GPATCH8: variants seen among roughly 807,000 people sequenced by gnomAD.
The protein encoded by GPATCH8 is G patch domain-containing protein 8.
In GPATCH8, 18 loss-of-function variants were observed where a neutral mutation model predicts 118.3. The ratio of observed to expected loss-of-function variants is 0.15; its 90% CI spans 0.11 to 0.23. The LOEUF (loss-of-function observed/expected upper bound fraction) is 0.23, where lower values mean the gene tolerates loss of function less well. Among genes scored for constraint, GPATCH8 ranks in the 10% least tolerant of loss-of-function variants. The pLI is 1.00. For synonymous variants in GPATCH8, 659 were observed against 684.7 expected (o/e 0.96, Z 0.59); for missense variants, 1,631 against 1,873.8 (o/e 0.87, Z 2.39).
In GPATCH8 at chr17:44,399,951, T is replaced by C. The variant is rs2143621296; in HGVS notation, c.2126A>G (p.Lys709Arg). 1 of 1,614,132 alleles carries C rather than the reference T, an allele frequency of 6.2e-7. No individual in the cohort carries two copies. The highest frequency in any genetic ancestry group is 8.5e-7 in the Non-Finnish European group (1 of 1,180,008). Residue 709 changes from lysine to arginine, a missense_variant, in exon 8 of 8, where the codon AAG (lysine) becomes AGG (arginine). This residue lies in a region of GPATCH8 where 922 missense variants were observed against 879.7 expected (regional missense o/e 1.05). Transcript: ENST00000591680. ...SSKAESGEKS[K>R]KRKKRKRKKN... ...CTTTCGTTTTCGTTTCTTGCGCTTC[T>C]TAGATTTCTCCCCTGACTCTGCCTT... is the stretch of plus-strand genomic sequence containing the variant.
At chr17:44,405,705 C>T (rs971250623) in intron 7 of GPATCH8, among the ~76,000 whole-genome samples, 7 of 150,174 alleles carry the variant, frequency 4.7e-5, no homozygotes, top group African/African-American at 1.2e-4. Flanking sequence ...GGGGTTTCAC[C>T]GTATTAGCCA....
chr17:44,479,033 C>G (rs1373916770), intron 1 of GPATCH8, among the ~76,000 whole-genome samples: 2 of 152,166 alleles, frequency 1.3e-5, no homozygotes, highest in African/African-American at 4.8e-5. Context: ...TTTAGGACAA[C>G]TATGTGATGG....
chr17:44,398,350 A>G lies in GPATCH8; in HGVS notation c.3727T>C (p.Tyr1243His), dbSNP rs1347869106. ...TCCCCATCACTGGGGTCGGGGAGGT[A>G]GTTATGGGAGATGGTTGGGTCCCCA... ...YPGDPTISHN[Y>H]LPDPSDGDTL... Residue 1243 changes from tyrosine to histidine, a missense_variant, in exon 8 of 8, where the codon TAC (tyrosine) becomes CAC (histidine). Physicochemically the swap from Tyr to His is moderately conservative, Grantham distance 83. Transcript: ENST00000591680. 1 of 1,614,008 alleles carries G rather than the reference A, an allele frequency of 6.2e-7. No individual in the cohort carries two copies. Among genetic ancestry groups the G allele is most frequent in the South Asian group, 1.1e-5 (1 of 91,082 alleles).
intron 6 of GPATCH8, among the ~76,000 whole-genome samples, chr17:44,408,223 G>A (rs57790984): frequency 0.013 from 1,510 of 115,654 alleles, 23 homozygotes; most frequent in African/African-American, 0.047. Context: ...TTATTCTGTC[G>A]CCCAGGCTGG....
At chr17:44,484,538 G>A (rs1968621218) in intron 1 of GPATCH8, among the ~76,000 whole-genome samples, 1 of 152,040 alleles carries the variant, frequency 6.6e-6, no homozygotes, top group Admixed American at 6.6e-5. Context: ...ACACCAGGTG[G>A]GTAGGTAGTA....
rs1056677563 is a variant in GPATCH8 at position 44,405,789 on chromosome 17, C to T, written c.623+132G>A. On this transcript the variant is annotated intron_variant, in intron 7 of 7. Transcript: ENST00000591680. ...AAAGTGCTGGGATTATAGGGGTGAG[C>T]CACTGCGCCTGGCACAAGGTTTTTA... The T allele has an allele frequency of 1.5e-5, 10 of 675,506 alleles. No individual in the cohort carries two copies. The African/African-American group carries it at 1.6e-4, about 11-fold the overall frequency. 41.8% of individuals were successfully genotyped at this position (675,506 alleles called of 1,614,324 possible).
rs750620460 is a variant in GPATCH8, at chr17:44,400,589, T to C, written c.1488A>G (p.Glu496=). The C allele has an allele frequency of 1.9e-6, 3 of 1,614,168 alleles. No individual in the cohort carries two copies. Among genetic ancestry groups the C allele is most frequent in the Non-Finnish European group, 2.5e-6 (3 of 1,180,000 alleles). Reference sequence around the variant, plus strand: ...TCTCTGAAACCTTCTGACTATGACTTTCTAAACTCTGATCACTTACATCCC... The same window carrying C: ...TCTCTGAAACCTTCTGACTATGACTCTCTAAACTCTGATCACTTACATCCC... ...LGGDVSDQSL[E]SHSQKVSETQ... is the part of the protein sequence containing the mutation. The change falls in exon 8 of 8, where the codon GAA becomes GAG. Residue 496 remains glutamate (E), a synonymous_variant. Coordinates refer to ENST00000591680, the MANE Select transcript of GPATCH8 (RefSeq NM_001002909.4).
chr17:44,479,320 C>T (rs577193904), intron 1 of GPATCH8, among the ~76,000 whole-genome samples: 22 of 152,184 alleles, frequency 1.4e-4, no homozygotes, highest in Non-Finnish European at 2.2e-4. Context: ...CAGCAAATGC[C>T]AGGTTCCAAA....
intron 1 of GPATCH8, among the ~76,000 whole-genome samples, chr17:44,487,403 C>A (rs939679469): frequency 2.0e-5 from 3 of 152,162 alleles, no homozygotes; most frequent in African/African-American, 7.2e-5. Context: ...CATTCACCTA[C>A]TGAAGGATAT....
intron 6 of GPATCH8, among the ~76,000 whole-genome samples, chr17:44,411,707 C>A (rs535546644): frequency 6.6e-6 from 1 of 152,316 alleles, no homozygotes; most frequent in South Asian, 2.1e-4. Context: ...GATAGCAACT[C>A]TGCTCTCCCA....
At chr17:44,475,877 T>C (rs1967730450) in intron 1 of GPATCH8, among the ~76,000 whole-genome samples, 1 of 151,790 alleles carries the variant, frequency 6.6e-6, no homozygotes, top group Admixed American at 6.6e-5. Context: ...AAAAATTTTT[T>C]AATTAGCCAC....
chr17:44,493,054 G>GGTTTTTTT (rs775184598), intron 1 of GPATCH8, among the ~76,000 whole-genome samples: 1 of 124,388 alleles, frequency 8.0e-6, no homozygotes, highest in Non-Finnish European at 1.6e-5. Flanking sequence ...AAGCCATTAG[G>GGTTTTTTT]TTTTTTTTTT....
At position 44,474,838 on chromosome 17, in the gene GPATCH8, AG is replaced by A; in HGVS notation, c.110del (p.Pro37LeufsTer2). 1 of 1,543,370 alleles carries A rather than the reference AG, an allele frequency of 6.5e-7. No individual in the cohort carries two copies. Among genetic ancestry groups the A allele is most frequent in the Non-Finnish European group, 9.0e-7 (1 of 1,115,756 alleles). On this transcript the variant is annotated frameshift_variant, in exon 2 of 8. Coordinates refer to ENST00000591680, the MANE Select transcript of GPATCH8 (RefSeq NM_001002909.4). LOFTEE classifies it high-confidence loss of function. ...LEIEQASLDK[P>X]IESDNIGHRL... ...GCACTGATTATCTTACCGATTCTAT[AG>A]GCTTGTCAAGTGACGCTTGTTCAAT...
chr17:44,497,905 C>CAAAAAA (rs1969785267), intron 1 of GPATCH8, among the ~76,000 whole-genome samples: 1 of 151,710 alleles, frequency 6.6e-6, no homozygotes, highest in Non-Finnish European at 1.5e-5. Flanking sequence ...CACAACTGTA[C>CAAAAAA]TCTAGCCTGG....
chr17:44,444,107 C>T (rs186080189), intron 3 of GPATCH8, among the ~76,000 whole-genome samples: 1 of 151,952 alleles, frequency 6.6e-6, no homozygotes, highest in East Asian at 1.9e-4. Context: ...TATTAATAAA[C>T]AGGAACAAAG....
chr17:44,468,656 TG>T (rs1393761638), intron 2 of GPATCH8, among the ~76,000 whole-genome samples: 2 of 152,092 alleles, frequency 1.3e-5, no homozygotes, highest in African/African-American at 2.4e-5. Context: ...TTTTGGTTTT[TG>T]TTTTTTAAAT....
At chr17:44,446,428 T>C (rs2050883860) in intron 3 of GPATCH8, among the ~76,000 whole-genome samples, 1 of 151,984 alleles carries the variant, frequency 6.6e-6, no homozygotes, top group Admixed American at 6.6e-5. Flanking sequence ...TAGCCAGGCG[T>C]GTGGCAGGCG....
rs746021383 is a variant in GPATCH8, at chr17:44,396,654, G to C, written c.*914C>G. 1 of 447,786 alleles carries C rather than the reference G, an allele frequency of 2.2e-6. No homozygotes were observed. Among genetic ancestry groups the C allele is most frequent in the South Asian group, 1.6e-5 (1 of 62,096 alleles). 27.7% of individuals were successfully genotyped at this position (447,786 alleles called of 1,614,324 possible). On this transcript the variant is annotated 3_prime_UTR_variant, in exon 8 of 8. Transcript: ENST00000591680. The stretch of plus-strand genomic sequence containing the variant: ...TATTTACACAAAGCCACCAGAACGA[G>C]GATCACTTAAAGAGCTGGATGTAAA...
At chr17:44,439,783 CTT>C (rs200851468) in intron 3 of GPATCH8, among the ~76,000 whole-genome samples, 15 of 140,492 alleles carry the variant, frequency 1.1e-4, no homozygotes, top group Admixed American at 2.9e-4. Flanking sequence ...GAAAACTCAA[CTT>C]TTTTTTTTTT....
Sources: gnomAD v4.1 joint callset for allele counts (sites outside exome capture counted in the v4.1 genomes callset) on GRCh38, gnomAD v4.1.1 for gene constraint, gnomAD v4.1.1 regional missense constraint, MANE v1.5 for transcripts, NCBI Gene and HGNC (gene_info 2026-07-23, HGNC 2026-07-21) for gene names.